Variants in RASA2 observed in about 807,000 individuals in gnomAD.
RASA2 encodes the protein ras GTPase-activating protein 2.
Under a neutral mutation model 118.2 loss-of-function variants are expected in RASA2, and 155 were observed. The ratio of observed to expected loss-of-function variants is 1.31; its 90% CI spans 1.15 to 1.50. The LOEUF (loss-of-function observed/expected upper bound fraction) is 1.50, where lower values mean the gene tolerates loss of function less well. Ranked by LOEUF, RASA2 falls within the 40% of genes most tolerant of loss-of-function variation. The pLI is 0.00. For synonymous variants in RASA2, 353 were observed against 349.1 expected (o/e 1.01, Z -0.12); for missense variants, 1,016 against 1,009.6 (o/e 1.01, Z -0.09).
intron 3 of RASA2, among the ~76,000 whole-genome samples, chr3:141,522,268 C>A (rs989034687): frequency 4.3e-4 from 65 of 152,206 alleles, no homozygotes; most frequent in African/African-American, 1.5e-3. Flanking sequence ...TCTTCTAAAT[C>A]TGGATCAGTC....
chr3:141,530,192 G>A (rs1337402496), intron 4 of RASA2, among the ~76,000 whole-genome samples: 1 of 152,104 alleles, frequency 6.6e-6, no homozygotes, highest in Non-Finnish European at 1.5e-5. Flanking sequence ...TTACTCTCTA[G>A]TAAACTGGAC....
intron 19 of RASA2, among the ~76,000 whole-genome samples, chr3:141,588,377 T>C (rs562750976): frequency 6.6e-6 from 1 of 152,316 alleles, no homozygotes; most frequent in African/African-American, 2.4e-5. Context: ...CAAAACAGCC[T>C]AACCGATGGA....
intron 13 of RASA2, among the ~76,000 whole-genome samples, chr3:141,573,650 A>G (rs980781694): frequency 6.6e-6 from 1 of 152,182 alleles, no homozygotes; most frequent in East Asian, 1.9e-4. Context: ...GTGCTTGTGT[A>G]TCCGAGTTAT....
At chr3:141,559,540 TC>T (rs1006573963) in intron 8 of RASA2, among the ~76,000 whole-genome samples, 1 of 152,100 alleles carries the variant, frequency 6.6e-6, no homozygotes, top group African/African-American at 2.4e-5. Context: ...TTCTAATTTT[TC>T]TATATATATA....
At chr3:141,585,335 G>A (rs1560051532) in intron 17 of RASA2, among the ~76,000 whole-genome samples, 1 of 152,208 alleles carries the variant, frequency 6.6e-6, no homozygotes, top group East Asian at 1.9e-4. Context: ...AGTGTAAATA[G>A]CCTTACACCA....
chr3:141,513,521 C>T (rs948324178), intron 2 of RASA2, among the ~76,000 whole-genome samples: 15 of 152,166 alleles, frequency 9.9e-5, no homozygotes, highest in African/African-American at 1.4e-4. Flanking sequence ...TACATACCTA[C>T]ACATGTCTTG....
At chr3:141,574,442 G>A (rs994891573) in intron 14 of RASA2, among the ~76,000 whole-genome samples, 1 of 152,128 alleles carries the variant, frequency 6.6e-6, no homozygotes, top group African/African-American at 2.4e-5. Flanking sequence ...GCCCGCCTCG[G>A]CCTCCCAAAG....
chr3:141,519,252 C>T (rs562911943), intron 3 of RASA2, among the ~76,000 whole-genome samples: 4 of 152,022 alleles, frequency 2.6e-5, no homozygotes, highest in Non-Finnish European at 5.9e-5. Context: ...ACCATTTTAC[C>T]ACCCCCTGGC....
In RASA2 at chr3:141,614,979, A is replaced by G; in HGVS notation, c.*2666A>G. 1 of 152,176 alleles carries G rather than the reference A, an allele frequency of 6.6e-6. No homozygotes were observed. Among genetic ancestry groups the G allele is most frequent in the Non-Finnish European group, 1.5e-5 (1 of 68,014 alleles). 9.4% of individuals were successfully genotyped at this position (152,176 alleles called of 1,614,324 possible). A position where few individuals can be genotyped will look rare whatever the true frequency, so the allele number is the denominator to read the frequency against. On this transcript the variant is annotated 3_prime_UTR_variant, in exon 24 of 24. Transcript: ENST00000286364. Reference sequence around the variant, plus strand: ...ACAGATCTTTTTCTTAAGTGAAAGCACCTTTAATTTGCTCTAACGGTACAT... The same window carrying G: ...ACAGATCTTTTTCTTAAGTGAAAGCGCCTTTAATTTGCTCTAACGGTACAT...
chr3:141,547,498 T>A (rs530877010), intron 5 of RASA2, among the ~76,000 whole-genome samples: 3 of 152,342 alleles, frequency 2.0e-5, no homozygotes, highest in South Asian at 2.1e-4. Context: ...TTTTTCAAAT[T>A]GTTCACTGTT....
chr3:141,583,121 A>G (rs2083142281), intron 17 of RASA2, among the ~76,000 whole-genome samples: 1 of 152,110 alleles, frequency 6.6e-6, no homozygotes, highest in South Asian at 2.1e-4. Flanking sequence ...GTTCCTTAAG[A>G]ATTATAATAA....
At chr3:141,520,793 A>G (rs571685839) in intron 3 of RASA2, among the ~76,000 whole-genome samples, 13 of 152,294 alleles carry the variant, frequency 8.5e-5, no homozygotes, top group African/African-American at 2.9e-4. Flanking sequence ...GTTGTAGGCC[A>G]TAAGAAGTTG....
chr3:141,520,569 A>G (rs1248852767), intron 3 of RASA2, among the ~76,000 whole-genome samples: 1 of 152,068 alleles, frequency 6.6e-6, no homozygotes, highest in East Asian at 1.9e-4. Context: ...GTTATAATAT[A>G]CATGCATTTG....
At chr3:141,569,797 T>C (rs2082886427) in intron 9 of RASA2, among the ~76,000 whole-genome samples, 1 of 151,974 alleles carries the variant, frequency 6.6e-6, no homozygotes, top group African/African-American at 2.4e-5. Context: ...CCTCCCCACT[T>C]TTGGAACCCC....
chr3:141,535,227 A>G (rs920553829), intron 4 of RASA2, among the ~76,000 whole-genome samples: 1 of 152,208 alleles, frequency 6.6e-6, no homozygotes. Context: ...CACTTAATAG[A>G]CTGCAATATA....
chr3:141,553,953 G>A lies in RASA2; in HGVS notation c.611+13G>A. 6.3e-7 allele frequency: 1 copy of A among 1,595,554 alleles called. No homozygotes were observed. The highest frequency in any genetic ancestry group is 8.5e-7 in the Non-Finnish European group (1 of 1,173,476). On this transcript the variant is annotated intron_variant, in intron 6 of 23. Transcript: ENST00000286364. ...TGGGCCCTTCTAGGTAATATTTATT[G>A]AATTATTATTAGGTTTTAAAGTTTT...
At chr3:141,544,366 T>C (rs916478871) in intron 5 of RASA2, among the ~76,000 whole-genome samples, 17 of 152,326 alleles carry the variant, frequency 1.1e-4, no homozygotes, top group Admixed American at 1.1e-3. Flanking sequence ...TCTCTTCTTC[T>C]TTCAGAACGC....
At chr3:141,523,314 C>T (rs1324543816) in intron 3 of RASA2, among the ~76,000 whole-genome samples, 1 of 151,994 alleles carries the variant, frequency 6.6e-6, no homozygotes, top group Non-Finnish European at 1.5e-5. Flanking sequence ...TTAGTAGAGA[C>T]GAGGTTTCGC....
chr3:141,578,895 A>T (rs1401743083), intron 15 of RASA2: 1 of 152,210 alleles, frequency 6.6e-6, no homozygotes, highest in South Asian at 2.1e-4. Context: ...ATCTTTAAGA[A>T]TATTATTTTC....
Sources: gnomAD v4.1 joint callset for allele counts (sites outside exome capture counted in the v4.1 genomes callset) on GRCh38, gnomAD v4.1.1 for gene constraint, MANE v1.5 for transcripts, NCBI Gene and HGNC (gene_info 2026-07-23, HGNC 2026-07-21) for gene names.